The following RUFY2 variants were observed in gnomAD, a reference collection of about 807,000 sequenced individuals.
RUFY2 encodes RUN and FYVE domain-containing protein 2.
Under a neutral mutation model 94.4 loss-of-function variants are expected in RUFY2, and 49 were observed. That is an observed-to-expected ratio of 0.52 (90% CI 0.41 to 0.66). RUFY2 has a LOEUF of 0.66. Among genes scored for constraint, RUFY2 ranks in the 30% least tolerant of loss-of-function variants. The pLI, the probability that RUFY2 is intolerant of heterozygous loss-of-function variation, is 0.00. For missense variants in RUFY2, 541 were observed against 692.8 expected (o/e 0.78, Z 2.46); for synonymous variants, 255 against 235.7 (o/e 1.08, Z -0.75).
intron 3 of RUFY2, among the ~76,000 whole-genome samples, chr10:68,400,546 T>C (rs554160730): frequency 4.1e-5 from 6 of 147,394 alleles, no homozygotes; most frequent in African/African-American, 7.6e-5. Flanking sequence ...CATGGTGGCA[T>C]GCACCTGTAA....
rs1030880604 is a variant in RUFY2 at position 68,364,175 on chromosome 10, T to G, written c.1326-62A>C. 3 of 1,481,050 alleles carry G rather than the reference T, an allele frequency of 2.0e-6. No individual in the cohort carries two copies. The Admixed American group carries it at 6.1e-5, about 30-fold the overall frequency. 91.7% of individuals were successfully genotyped at this position (1,481,050 alleles called of 1,614,324 possible). A position where few individuals can be genotyped will look rare whatever the true frequency, so the allele number is the denominator to read the frequency against. On this transcript the variant is annotated intron_variant, in intron 13 of 17. Coordinates refer to ENST00000602465, the MANE Select transcript of RUFY2 (RefSeq NM_001330103.2). ...TTTCTCACACGACAGTTGTTATGTA[T>G]TCTTTACTAAAATCACCCTTTTGGT...
chr10:68,377,254 T>C (rs2048738636), intron 12 of RUFY2: 2 of 1,250,292 alleles, frequency 1.6e-6, no homozygotes, highest in Non-Finnish European at 2.0e-6. Context: ...AATACAGCCT[T>C]TACCACTTAT....
chr10:68,388,837 C>CAA lies in RUFY2; in HGVS notation c.651-2711_651-2710dup, dbSNP rs71009052. Reference sequence around the variant, plus strand: ...TGTTGACACCATGAGAACCCTGTCTCAAAAAAAAAAAAAAAAAGAAAAGAA... The same window carrying CAA: ...TGTTGACACCATGAGAACCCTGTCTCAAAAAAAAAAAAAAAAAAAGAAAAGAA... On this transcript the variant is annotated intron_variant, in intron 7 of 17. Coordinates refer to ENST00000602465, the MANE Select transcript of RUFY2 (RefSeq NM_001330103.2). 7.8e-3 allele frequency among the ~76,000 whole-genome samples: 798 copies of CAA among 102,294 alleles called. 11 individuals carry two copies. The highest frequency in any genetic ancestry group is 0.076 in the East Asian group (257 of 3,368). 67.1% of individuals were successfully genotyped at this position (102,294 alleles called of 152,430 possible). A position where few individuals can be genotyped will look rare whatever the true frequency, so the allele number is the denominator to read the frequency against.
At chr10:68,359,619 A>T (rs1184262882) in intron 15 of RUFY2, among the ~76,000 whole-genome samples, 14 of 146,638 alleles carry the variant, frequency 9.5e-5, no homozygotes, top group South Asian at 2.2e-4. Context: ...TATATATATA[A>T]AAATATACAT....
chr10:68,372,226 T>C (rs980190006), intron 13 of RUFY2, among the ~76,000 whole-genome samples: 3 of 151,718 alleles, frequency 2.0e-5, no homozygotes, highest in African/African-American at 7.3e-5. Context: ...CTGGGCAACA[T>C]AGCAAGATCC....
intron 16 of RUFY2, among the ~76,000 whole-genome samples, chr10:68,347,005 G>C (rs1231833928): frequency 1.3e-5 from 2 of 152,100 alleles, no homozygotes; most frequent in South Asian, 4.1e-4. Context: ...CATAGTCCCA[G>C]CTACTCTGGA....
rs2132527911 is a variant in RUFY2, at chr10:68,366,754, AT to A, written c.1326-2642del. 2.9e-5 allele frequency among the ~76,000 whole-genome samples: 4 copies of A among 139,858 alleles called. 1 individual carries two copies. In the Admixed American group the frequency reaches 3.2e-4, roughly 11 times the overall value. The allele number at this position is 139,858 out of a possible 152,430, so 91.8% of individuals were successfully genotyped here. ...GAGACTCTAAAATATATATATATATATATATAATATTAAATATATTAAATAA... is the reference window on the plus strand; with the variant it reads ...GAGACTCTAAAATATATATATATATAATATAATATTAAATATATTAAATAA... On this transcript the variant is annotated intron_variant, in intron 13 of 17. Transcript: ENST00000602465.
At chr10:68,341,895 G>A, downstream of RUFY2, 2 of 1,591,932 alleles carry the variant, frequency 1.3e-6, no homozygotes, top group Non-Finnish European at 1.7e-6. Context: ...CATATGTAGT[G>A]CAAACTTTAA....
Position 68,396,772 on chromosome 10 carries a change from G to C in RUFY2, c.398+8C>G. On this transcript the variant is annotated splice_region_variant and intron_variant, in intron 4 of 17. Transcript: ENST00000602465. ...AAAATGAAAAGATCACGACTTAATA[G>C]TACTAACCTCAAGAGATCCCTCTGA... 1.3e-6 allele frequency: 2 copies of C among 1,582,374 alleles called. No individual in the cohort carries two copies. Among genetic ancestry groups the C allele is most frequent in the Non-Finnish European group, 1.7e-6 (2 of 1,151,772 alleles).
intron 2 of RUFY2, 152 bp from the exon 3 acceptor site, chr10:68,401,889 G>A (rs898973355): frequency 1.7e-5 from 10 of 576,694 alleles, no homozygotes; most frequent in South Asian, 1.5e-4. Context: ...TGGATCTGGA[G>A]CCTGTGCCAG....
rs771516043 is a variant in RUFY2 at position 68,379,495 on chromosome 10, T to C, written c.1134A>G (p.Lys378=). 3.7e-6 allele frequency: 6 copies of C among 1,612,772 alleles called. No individual in the cohort carries two copies. The African/African-American group carries it at 8.0e-5, about 22-fold the overall frequency. The change falls in exon 12 of 18, where the codon AAA becomes AAG. Residue 378 remains lysine, a synonymous_variant. Coordinates refer to ENST00000602465, the MANE Select transcript of RUFY2 (RefSeq NM_001330103.2). ...CTTCTAGTCGGGCAATTATTTCATTTTTTTCTTTCAAGCCATCTTCAGAAC... is the reference window on the plus strand; with the variant it reads ...CTTCTAGTCGGGCAATTATTTCATTCTTTTCTTTCAAGCCATCTTCAGAAC... ...LQGSEDGLKE[K]NEIIARLEEK...
At chr10:68,401,512 A>C (rs1160222710) in intron 3 of RUFY2, 108 bp downstream of exon 3, 3 of 665,196 alleles carry the variant, frequency 4.5e-6, no homozygotes, top group African/African-American at 1.8e-5. Context: ...GATTAGAAGA[A>C]GGGGACTTAA....
intron 15 of RUFY2, 77 bp downstream of exon 15, chr10:68,363,513 G>T: frequency 2.1e-6 from 2 of 930,428 alleles, no homozygotes; most frequent in Non-Finnish European, 1.6e-6. Context: ...AAACTCTTCT[G>T]CCTAATAGAT....
chr10:68,364,163 A>G (rs2047646864), intron 13 of RUFY2, 50 bp from the exon 14 acceptor site: 13 of 1,560,956 alleles, frequency 8.3e-6, no homozygotes, highest in Non-Finnish European at 1.0e-5. Context: ...CTCACACGAC[A>G]GTTGTTATGT....
intron 12 of RUFY2, 92 bp from the exon 13 acceptor site, chr10:68,377,064 T>G: frequency 6.5e-7 from 1 of 1,547,598 alleles, no homozygotes; most frequent in South Asian, 1.2e-5. Flanking sequence ...AATGGGGAAA[T>G]AGAAACATTT....
chr10:68,387,863 C>T (rs1211830530), intron 7 of RUFY2, among the ~76,000 whole-genome samples: 3 of 151,976 alleles, frequency 2.0e-5, no homozygotes, highest in Non-Finnish European at 2.9e-5. Context: ...CTTAGCTGGG[C>T]GTGGTGGCAC....
intron 1 of RUFY2, chr10:68,405,720 G>C: frequency 4.1e-6 from 4 of 983,450 alleles, no homozygotes; most frequent in Non-Finnish European, 4.8e-6. Flanking sequence ...CCCTCTTTCT[G>C]TCTGGCTTCT....
intron 2 of RUFY2, among the ~76,000 whole-genome samples, chr10:68,404,365 T>A (rs968206123): frequency 6.6e-6 from 1 of 152,182 alleles, no homozygotes; most frequent in African/African-American, 2.4e-5. Flanking sequence ...CATAACAGTA[T>A]CACCAGCTTT....
Position 68,376,442 on chromosome 10 carries a change from GTATATATATA to G in RUFY2, c.1325+401_1325+410del, listed in dbSNP as rs764172830. The stretch of plus-strand genomic sequence containing the variant: ...GAAACTTCATCTCAAAAAAATGTGT[GTATATATATA>G]TATATATATATATATATATATATAT... On this transcript the variant is annotated intron_variant, in intron 13 of 17. Transcript: ENST00000602465. 3.4e-3 allele frequency among the ~76,000 whole-genome samples: 94 copies of G among 27,956 alleles called. 1 individual carries two copies. The highest frequency in any genetic ancestry group is 9.0e-3 in the South Asian group (6 of 666). 18.3% of individuals were successfully genotyped at this position (27,956 alleles called of 152,430 possible). A position where few individuals can be genotyped will look rare whatever the true frequency, so the allele number is the denominator to read the frequency against.
Sources: gnomAD v4.1 joint callset for allele counts (sites outside exome capture counted in the v4.1 genomes callset) on GRCh38, gnomAD v4.1.1 for gene constraint, MANE v1.5 for transcripts, NCBI Gene and HGNC (gene_info 2026-07-23, HGNC 2026-07-21) for gene names.